PTPRM: variants seen among roughly 807,000 people sequenced by gnomAD.
PTPRM encodes receptor-type tyrosine-protein phosphatase mu.
In PTPRM, 47 loss-of-function variants were observed where a neutral mutation model predicts 186.7. That is an observed-to-expected ratio of 0.25 (90% CI 0.20 to 0.32). PTPRM has a LOEUF of 0.32. Ranked by LOEUF, PTPRM falls within the 10% of genes least tolerant of loss-of-function variation. PTPRM has a pLI of 1.00. For synonymous variants in PTPRM, 668 were observed against 674.9 expected (o/e 0.99, Z 0.16); for missense variants, 1,494 against 1,865.0 (o/e 0.80, Z 3.66).
chr18:8,221,219 C>T (rs998612051), intron 14 of PTPRM, among the ~76,000 whole-genome samples: 22 of 152,270 alleles, frequency 1.4e-4, no homozygotes, highest in African/African-American at 5.3e-4. Flanking sequence ...TTTACTCACC[C>T]ATTTCCCTGT....
At chr18:8,115,586 C>T (rs531300965) in intron 13 of PTPRM, among the ~76,000 whole-genome samples, 2 of 152,146 alleles carry the variant, frequency 1.3e-5, no homozygotes, top group Non-Finnish European at 2.9e-5. Context: ...AATTAACACT[C>T]AAAGTCAAAT....
rs139913489 is a variant in PTPRM, at chr18:8,052,909, A to G, written c.1133-16777A>G. On this transcript the variant is annotated intron_variant, in intron 7 of 32. Transcript: ENST00000580170. ...TAGAATGGAATTTACTTTGACTCTA[A>G]TGTGCATTTCTCAGATTAGTATTAA... 8.5e-5 allele frequency among the ~76,000 whole-genome samples: 13 copies of G among 152,282 alleles called. No homozygotes were observed. The East Asian group carries it at 1.9e-3, about 23-fold the overall frequency.
At chr18:8,076,028 G>T (rs1288777397) in intron 8 of PTPRM, among the ~76,000 whole-genome samples, 1 of 151,996 alleles carries the variant, frequency 6.6e-6, no homozygotes, top group East Asian at 1.9e-4. Flanking sequence ...AATTTTACTA[G>T]GGAATATACC....
In PTPRM at chr18:8,379,198, T is replaced by C. The variant is rs779254641; in HGVS notation, c.3644T>C (p.Val1215Ala). 3.1e-6 allele frequency: 5 copies of C among 1,612,574 alleles called. No individual in the cohort carries two copies. The highest frequency in any genetic ancestry group is 3.4e-6 in the Non-Finnish European group (4 of 1,179,204). Residue 1215 changes from valine to alanine, a missense_variant, in exon 28 of 33, where the codon GTA becomes GCA. Coordinates refer to ENST00000580170, the MANE Select transcript of PTPRM (RefSeq NM_001105244.2). The stretch of plus-strand genomic sequence containing the variant: ...AACATGGTGACACCAACGCTGCGAG[T>C]AGAGGACTGCAGCATCGCACTGTTG... ...TLNMVTPTLRVEDCSIALLPR... is the reference protein window; with the variant it reads ...TLNMVTPTLRAEDCSIALLPR...
At chr18:8,329,876 G>A (rs752264218) in intron 22 of PTPRM, among the ~76,000 whole-genome samples, 1 of 152,180 alleles carries the variant, frequency 6.6e-6, no homozygotes, top group Non-Finnish European at 1.5e-5. Context: ...ATAGCTCGCT[G>A]TAGCCTCCAG....
At chr18:7,869,482 G>A (rs908589016) in intron 2 of PTPRM, among the ~76,000 whole-genome samples, 6 of 152,186 alleles carry the variant, frequency 3.9e-5, no homozygotes, top group African/African-American at 1.4e-4. Context: ...CTTCCCGGGA[G>A]GCAATGCCCC....
At chr18:8,041,290 C>T (rs77499087) in intron 7 of PTPRM, among the ~76,000 whole-genome samples, 3,346 of 152,186 alleles carry the variant, frequency 0.022, 50 homozygotes, top group African/African-American at 0.047. Flanking sequence ...AAGTATTGCT[C>T]AGGTGTGGAT....
rs145520795 is a variant in PTPRM, at chr18:8,392,519, C to T, written c.4209-1957C>T. On this transcript the variant is annotated intron_variant, in intron 31 of 32. Transcript: ENST00000580170. Reference sequence around the variant, plus strand: ...GCAGGTGCCTGTAGTCCCAGCTACTCGGGAGGCTGAGGCAGGAGAATGGCG... The same window carrying T: ...GCAGGTGCCTGTAGTCCCAGCTACTTGGGAGGCTGAGGCAGGAGAATGGCG... 9.2e-3 allele frequency among the ~76,000 whole-genome samples: 1,392 copies of T among 151,758 alleles called. 22 individuals are homozygous for T. The highest frequency in any genetic ancestry group is 0.032 in the African/African-American group (1,310 of 41,332).
chr18:8,254,312 A>G lies in PTPRM; in HGVS notation c.2754+898A>G, dbSNP rs77615827. On this transcript the variant is annotated intron_variant, in intron 19 of 32. Transcript: ENST00000580170. The stretch of plus-strand genomic sequence containing the variant: ...TGTGCCATTAGTTAATTCTGTCAGA[A>G]GGTCATTCAAGAATTGAAGAGAATT... Among the ~76,000 whole-genome samples, 474 of 152,364 alleles carry G rather than the reference A, an allele frequency of 3.1e-3. 4 individuals are homozygous for G. Among genetic ancestry groups the G allele is most frequent in the African/African-American group, 0.011 (461 of 41,598 alleles).
chr18:8,170,250 C>G (rs1171925867), intron 14 of PTPRM, among the ~76,000 whole-genome samples: 2 of 152,120 alleles, frequency 1.3e-5, no homozygotes, highest in Non-Finnish European at 2.9e-5. Context: ...TAGGTGGGCT[C>G]TTTTAAGACA....
intron 20 of PTPRM, among the ~76,000 whole-genome samples, chr18:8,297,492 A>G (rs1015703182): frequency 6.6e-6 from 1 of 152,232 alleles, no homozygotes; most frequent in African/African-American, 2.4e-5. Flanking sequence ...ATGCTGTCCC[A>G]GACGGTAGCC....
At chr18:7,954,712 T>C (rs2053200402) in intron 6 of PTPRM, among the ~76,000 whole-genome samples, 1 of 152,194 alleles carries the variant, frequency 6.6e-6, no homozygotes, top group East Asian at 1.9e-4. Context: ...TGTAACTGAC[T>C]CACTGTAATG....
intron 23 of PTPRM, among the ~76,000 whole-genome samples, chr18:8,343,898 T>A (rs2095489365): frequency 6.6e-6 from 1 of 152,212 alleles, no homozygotes; most frequent in African/African-American, 2.4e-5. Context: ...TGTGCAGCTC[T>A]AGATTCAATC....
intron 1 of PTPRM, among the ~76,000 whole-genome samples, chr18:7,736,779 A>T (rs1378694354): frequency 6.6e-6 from 1 of 152,126 alleles, no homozygotes; most frequent in Admixed American, 6.5e-5. Context: ...TTATGAGTTG[A>T]TTTTTAACTA....
At chr18:7,895,624 C>G (rs911339641) in intron 3 of PTPRM, among the ~76,000 whole-genome samples, 2 of 152,196 alleles carry the variant, frequency 1.3e-5, no homozygotes, top group Non-Finnish European at 2.9e-5. Flanking sequence ...TTGGGCTCTT[C>G]AGTTGGCTAT....
At chr18:8,181,434 G>A (rs956916035) in intron 14 of PTPRM, among the ~76,000 whole-genome samples, 3 of 152,128 alleles carry the variant, frequency 2.0e-5, no homozygotes, top group African/African-American at 4.8e-5. Context: ...CGACCTCTGC[G>A]GATCACGCAC....
intron 1 of PTPRM, among the ~76,000 whole-genome samples, chr18:7,620,397 C>T (rs534145882): frequency 1.4e-4 from 21 of 152,326 alleles, no homozygotes; most frequent in Admixed American, 9.8e-4. Flanking sequence ...TCTTCCATTA[C>T]ATGACTCAGA....
At chr18:8,005,258 T>A (rs1373319017) in intron 7 of PTPRM, among the ~76,000 whole-genome samples, 1 of 152,196 alleles carries the variant, frequency 6.6e-6, no homozygotes, top group Non-Finnish European at 1.5e-5. Context: ...AAAAAATTCA[T>A]AAACCCTCTC....
At chr18:7,931,512 C>A (rs753906152) in intron 5 of PTPRM, among the ~76,000 whole-genome samples, 18 of 152,086 alleles carry the variant, frequency 1.2e-4, no homozygotes, top group African/African-American at 1.7e-4. Context: ...ACCATCCTGG[C>A]CAACACTGTG....
Sources: gnomAD v4.1 joint callset for allele counts (sites outside exome capture counted in the v4.1 genomes callset) on GRCh38, gnomAD v4.1.1 for gene constraint, MANE v1.5 for transcripts, NCBI Gene and HGNC (gene_info 2026-07-23, HGNC 2026-07-21) for gene names.